The following MAGI2 variants were observed in gnomAD, a reference collection of about 807,000 sequenced individuals.
The protein encoded by MAGI2 is membrane-associated guanylate kinase, WW and PDZ domain-containing protein 2.
MAGI2 carries 35 observed loss-of-function variants against 133.3 expected under a neutral mutation model. The observed-to-expected ratio is 0.26, with a 90% CI of 0.20 to 0.35. The LOEUF (loss-of-function observed/expected upper bound fraction) is 0.35. Ranked by LOEUF, MAGI2 falls within the 10% of genes least tolerant of loss-of-function variation. The probability of loss-of-function intolerance (pLI) is 1.00; values close to 1 mark genes in which losing one functional copy is unlikely to be tolerated. For synonymous variants in MAGI2, 729 were observed against 710.6 expected (o/e 1.03, Z -0.41); for missense variants, 1,636 against 1,863.4 (o/e 0.88, Z 2.25).
chr7:78,285,615 C>T (rs1271428220), intron 9 of MAGI2: 1 of 152,096 alleles, frequency 6.6e-6, no homozygotes, highest in Non-Finnish European at 1.5e-5. Flanking sequence ...CCCATGGTCG[C>T]CAGAGTTCTC....
At chr7:78,345,686 A>T (rs978499313) in intron 8 of MAGI2, 13 of 479,764 alleles carry the variant, frequency 2.7e-5, no homozygotes, top group Non-Finnish European at 4.8e-5. Flanking sequence ...ATTAATCTCC[A>T]CGTGGTGACA....
At chr7:78,920,046 A>G (rs537409559) in intron 2 of MAGI2, among the ~76,000 whole-genome samples, 2 of 152,214 alleles carry the variant, frequency 1.3e-5, no homozygotes, top group South Asian at 2.1e-4. Flanking sequence ...GGGCAAGTCC[A>G]TGGCTCCGAA....
chr7:79,011,187 T>C (rs574315285), intron 1 of MAGI2: 1 of 152,228 alleles, frequency 6.6e-6, no homozygotes, highest in Non-Finnish European at 1.5e-5. Flanking sequence ...AAACACCAAG[T>C]CCCAACGTTC....
chr7:78,967,321 G>C (rs1803402986), intron 2 of MAGI2, among the ~76,000 whole-genome samples: 1 of 152,048 alleles, frequency 6.6e-6, no homozygotes, highest in Non-Finnish European at 1.5e-5. Flanking sequence ...GTATTGAGTT[G>C]TAGGAGTTCT....
intron 2 of MAGI2, among the ~76,000 whole-genome samples, chr7:78,925,801 T>G (rs1799648285): frequency 6.6e-6 from 1 of 152,040 alleles, no homozygotes; most frequent in African/African-American, 2.4e-5. Context: ...AGTAAATATT[T>G]TAATAATGCA....
At chr7:79,098,897 G>T (rs1817735216) in intron 1 of MAGI2, among the ~76,000 whole-genome samples, 1 of 152,132 alleles carries the variant, frequency 6.6e-6, no homozygotes, top group African/African-American at 2.4e-5. Flanking sequence ...AACAAACAAG[G>T]AATGCGCAAA....
intron 2 of MAGI2, among the ~76,000 whole-genome samples, chr7:78,785,503 A>G (rs1380114088): frequency 2.0e-5 from 3 of 152,204 alleles, no homozygotes. Context: ...GCTGCCTTTG[A>G]TGCCACTCAC....
chr7:78,784,853 A>C (rs896394569), intron 2 of MAGI2, among the ~76,000 whole-genome samples: 1 of 152,214 alleles, frequency 6.6e-6, no homozygotes, highest in African/African-American at 2.4e-5. Context: ...GTCTTTTGTT[A>C]CAGGAGTGTT....
At position 78,391,759 on chromosome 7, in the gene MAGI2, C is replaced by T. The variant is rs80113980; in HGVS notation, c.1046-22546G>A. Among the ~76,000 whole-genome samples, 1,167 of 152,234 alleles carry T rather than the reference C, an allele frequency of 7.7e-3. 34 individuals are homozygous for T. The highest frequency in any genetic ancestry group is 0.07 in the East Asian group (364 of 5,180). ...TTCAATTTATGATAATGCCATCTTT[C>T]CCCTATAAAGATGACACTATTGGCA... is the stretch of plus-strand genomic sequence containing the variant. On this transcript the variant is annotated intron_variant, in intron 6 of 21. Transcript: ENST00000354212.
At chr7:78,166,173 G>A (rs1825605249) in intron 15 of MAGI2, among the ~76,000 whole-genome samples, 1 of 152,132 alleles carries the variant, frequency 6.6e-6, no homozygotes, top group African/African-American at 2.4e-5. Context: ...GCAGCATTTG[G>A]TACACACTTC....
intron 1 of MAGI2, among the ~76,000 whole-genome samples, chr7:79,122,977 T>G (rs536175972): frequency 1.3e-5 from 2 of 152,094 alleles, no homozygotes; most frequent in African/African-American, 2.4e-5. Flanking sequence ...AAAAAAGAGA[T>G]AGGAGAGAGA....
At chr7:78,799,116 C>T (rs1787852560) in intron 2 of MAGI2, among the ~76,000 whole-genome samples, 2 of 152,134 alleles carry the variant, frequency 1.3e-5, no homozygotes, top group Non-Finnish European at 2.9e-5. Context: ...CATCATCTGT[C>T]TTTGCTGGTG....
chr7:78,742,155 T>A (rs918076981), intron 2 of MAGI2, among the ~76,000 whole-genome samples: 1 of 152,038 alleles, frequency 6.6e-6, no homozygotes, highest in Non-Finnish European at 1.5e-5. Flanking sequence ...AATAAATACA[T>A]AATATAAAAA....
intron 1 of MAGI2, among the ~76,000 whole-genome samples, chr7:79,220,146 A>G (rs560441021): frequency 6.6e-6 from 1 of 152,120 alleles, no homozygotes; most frequent in South Asian, 2.1e-4. Context: ...ACATATTTAC[A>G]GCACTCTTTT....
intron 2 of MAGI2, among the ~76,000 whole-genome samples, chr7:78,827,061 G>T (rs989343257): frequency 6.6e-6 from 1 of 152,050 alleles, no homozygotes; most frequent in Admixed American, 6.6e-5. Flanking sequence ...GATACATATA[G>T]ATACAGATAC....
At chr7:78,206,341 G>T (rs1241097030) in intron 10 of MAGI2, among the ~76,000 whole-genome samples, 1 of 147,978 alleles carries the variant, frequency 6.8e-6, no homozygotes, top group Non-Finnish European at 1.5e-5. Flanking sequence ...GCCTAGGCTG[G>T]AGTGCAGTGG....
At chr7:78,047,069 C>T (rs3807774) in intron 21 of MAGI2, among the ~76,000 whole-genome samples, 25 of 152,130 alleles carry the variant, frequency 1.6e-4, no homozygotes, top group Admixed American at 3.3e-4. Flanking sequence ...CCACATCAAC[C>T]GGATGTAACA....
At chr7:78,812,586 A>ATGTGTGTGTGTGTGTG (rs10542588) in intron 2 of MAGI2, among the ~76,000 whole-genome samples, 2,369 of 149,402 alleles carry the variant, frequency 0.016, 62 homozygotes, top group African/African-American at 0.056. Context: ...ATATGTATGT[A>ATGTGTGTGTGTGTGTG]TGTGTGTGTG....
chr7:79,430,322 T>C (rs557472091), intron 1 of MAGI2, among the ~76,000 whole-genome samples: 2 of 152,302 alleles, frequency 1.3e-5, no homozygotes, highest in South Asian at 4.1e-4. Context: ...AAGAGGCAAC[T>C]TCACAAAGTC....
Sources: gnomAD v4.1 joint callset for allele counts (sites outside exome capture counted in the v4.1 genomes callset) on GRCh38, gnomAD v4.1.1 for gene constraint, MANE v1.5 for transcripts, NCBI Gene and HGNC (gene_info 2026-07-23, HGNC 2026-07-21) for gene names.